Variants in AK9 observed in about 807,000 individuals in gnomAD.
AK9 encodes the protein adenylate kinase 9, also known as adenylate kinase domain containing 1.
AK9 carries 191 observed loss-of-function variants against 239.6 expected under a neutral mutation model. The observed-to-expected ratio is 0.80, with a 90% CI of 0.71 to 0.90. The LOEUF is 0.90. AK9 is among the 40% of genes least tolerant of loss of function. AK9 has a pLI of 0.00. For missense variants in AK9, 1,995 were observed against 2,214.7 expected (o/e 0.90, Z 1.99); for synonymous variants, 689 against 721.0 (o/e 0.96, Z 0.71).
intron 13 of AK9, among the ~76,000 whole-genome samples, chr6:109,615,853 A>G (rs561789955): frequency 6.6e-6 from 1 of 152,192 alleles, no homozygotes; most frequent in Non-Finnish European, 1.5e-5. Context: ...CAAATAGAGA[A>G]CATCTCCCCC....
In AK9 at chr6:109,535,784, A is replaced by G. The variant is rs541642278; in HGVS notation, c.3351-2314T>C. Among the ~76,000 whole-genome samples, 10 of 152,302 alleles carry G rather than the reference A, an allele frequency of 6.6e-5. No individual in the cohort carries two copies. In the East Asian group the frequency reaches 1.7e-3, roughly 26 times the overall value. On this transcript the variant is annotated intron_variant, in intron 27 of 40. Transcript: ENST00000424296. ...ATCCATCTTGAATTAATTTTTGTAT[A>G]AGATGTAAAGAAGGGATCCAGTTTC...
chr6:109,521,459 CAAG>C (rs59846242), intron 29 of AK9, among the ~76,000 whole-genome samples: 88,087 of 151,504 alleles, frequency 0.58, 27,266 homozygotes, highest in East Asian at 0.84. Context: ...GATTCCCCAT[CAAG>C]AAGATGTCCT....
intron 21 of AK9, among the ~76,000 whole-genome samples, chr6:109,569,431 G>A (rs1462301631): frequency 6.6e-6 from 1 of 152,138 alleles, no homozygotes. Flanking sequence ...TTGACAAATG[G>A]ATCTAATTAA....
chr6:109,630,452 G>C (rs1001352919), intron 12 of AK9, among the ~76,000 whole-genome samples: 3 of 152,124 alleles, frequency 2.0e-5, no homozygotes, highest in Non-Finnish European at 2.9e-5. Context: ...AGAACAATAA[G>C]ATAGAAGACC....
chr6:109,663,868 C>T (rs968442280), intron 5 of AK9, among the ~76,000 whole-genome samples: 12 of 152,160 alleles, frequency 7.9e-5, no homozygotes, highest in African/African-American at 2.9e-4. Context: ...TCAAGAATAT[C>T]CACAATTATT....
chr6:109,586,051 T>C lies in AK9; in HGVS notation c.1864A>G (p.Arg622Gly), dbSNP rs1158134828. The C allele has an allele frequency of 1.3e-6, 2 of 1,550,898 alleles. No individual in the cohort carries two copies. Among genetic ancestry groups the C allele is most frequent in the Non-Finnish European group, 1.7e-6 (2 of 1,146,752 alleles). The stretch of plus-strand genomic sequence containing the variant: ...CCATATTTTGGGGCACCAGGAAACC[T>C]ATCCTTGTTTTCTTCCATTACCTGT... ...LGEVMEENKD[R>G]FPGAPKYGGW... is the part of the protein sequence containing the mutation. Residue 622 changes from arginine (R) to glycine (G), a missense_variant, in exon 18 of 41, where the codon AGG (arginine) becomes GGG (glycine). Physicochemically the swap from Arg to Gly is moderately radical, Grantham distance 125 (BLOSUM62 -2). This residue lies in a region of AK9 where 1,290 missense variants were observed against 1,392.7 expected (regional missense o/e 0.93). Coordinates refer to ENST00000424296, the MANE Select transcript of AK9 (RefSeq NM_001145128.3).
chr6:109,644,434 G>C (rs1366757581), intron 9 of AK9, 180 bp downstream of exon 9: 1 of 465,430 alleles, frequency 2.1e-6, no homozygotes, highest in Non-Finnish European at 3.5e-6. Context: ...ATGTAGTTTT[G>C]ATTTTAAAAT....
At chr6:109,576,420 CTTT>C (rs3060763) in intron 20 of AK9, among the ~76,000 whole-genome samples, 3 of 103,478 alleles carry the variant, frequency 2.9e-5, no homozygotes, top group Admixed American at 1.1e-4. Flanking sequence ...CATATATATA[CTTT>C]TTTTTTTTTT....
chr6:109,663,705 A>G (rs549429877), intron 5 of AK9, among the ~76,000 whole-genome samples: 1 of 152,352 alleles, frequency 6.6e-6, no homozygotes, highest in East Asian at 1.9e-4. Context: ...GGTGCCACAA[A>G]AATTAGGCAT....
chr6:109,520,349 C>T (rs1779707891), intron 29 of AK9, among the ~76,000 whole-genome samples: 1 of 152,130 alleles, frequency 6.6e-6, no homozygotes, highest in African/African-American at 2.4e-5. Context: ...GCCAGCTAAC[C>T]TGGCACCATT....
Position 109,533,344 on chromosome 6 carries a change from G to T in AK9, c.3477C>A (p.Arg1159=). 3 of 1,611,516 alleles carry T rather than the reference G, an allele frequency of 1.9e-6. No homozygotes were observed. The highest frequency in any genetic ancestry group is 2.2e-5 in the South Asian group (2 of 90,352). ...ACTTTTCAATTTGGGCAGGAAGGAGGCGATCAAAAATATCTTGATCATCAA... is the reference window on the plus strand; with the variant it reads ...ACTTTTCAATTTGGGCAGGAAGGAGTCGATCAAAAATATCTTGATCATCAA... The part of the protein sequence containing the change: ...IQVDDQDIFD[R]LLPAQIEKWK... The change falls in exon 28 of 41, where the codon CGC becomes CGA. Residue 1159 remains arginine (R), a synonymous_variant. Transcript: ENST00000424296.
At chr6:109,565,508 AAAAAAGACCACAAACT>A in intron 21 of AK9, among the ~76,000 whole-genome samples, 1 of 152,038 alleles carries the variant, frequency 6.6e-6, no homozygotes. Context: ...AAGATACACC[AAAAAAGACCACAAACT>A]GGCAGTGAGA....
rs759001364 is a variant in AK9, at chr6:109,656,809, T to C, written c.706A>G (p.Asn236Asp). 1.6e-5 allele frequency: 26 copies of C among 1,610,520 alleles called. No homozygotes were observed. Among genetic ancestry groups the C allele is most frequent in the African/African-American group, 2.7e-5 (2 of 74,800 alleles). Reference protein sequence around the residue: ...LVQRPEDYLENVENIVKLYKE... With the variant: ...LVQRPEDYLEDVENIVKLYKE... ...TAAAGCTTAACAATGTTTTCAACAT[T>C]TTCCAAATAATCTTCAGGCCTCTGA... Residue 236 changes from asparagine to aspartate, a missense_variant, in exon 8 of 41, where the codon AAT becomes GAT. Asn to Asp is a conservative substitution (Grantham distance 23). Transcript: ENST00000424296.
chr6:109,631,040 G>A (rs1265002335), intron 12 of AK9, among the ~76,000 whole-genome samples: 4 of 151,998 alleles, frequency 2.6e-5, no homozygotes, highest in Non-Finnish European at 5.9e-5. Context: ...AGAAAGTCAA[G>A]TCTAGGTGGA....
chr6:109,542,174 A>G lies in AK9; in HGVS notation c.3226-3T>C, dbSNP rs1343954178. On this transcript the variant is annotated splice_region_variant and splice_polypyrimidine_tract_variant and intron_variant, in intron 26 of 40. Transcript: ENST00000424296. ...TCTGTAAGTTGTACTTCTGGAAGCT[A>G]AAAACAAAAATCAGAAAACAAAACA... 3 of 1,581,326 alleles carry G rather than the reference A, an allele frequency of 1.9e-6. No individual in the cohort carries two copies. The highest frequency in any genetic ancestry group is 1.7e-6 in the Non-Finnish European group (2 of 1,168,054).
chr6:109,674,153 G>T, intron 3 of AK9, 45 bp downstream of exon 3: 2 of 1,440,384 alleles, frequency 1.4e-6, no homozygotes, highest in South Asian at 2.6e-5. Flanking sequence ...ATGAATATTT[G>T]AAAGTTTTCA....
chr6:109,610,323 T>C (rs565272130), intron 17 of AK9, 42 bp downstream of exon 17: 11 of 1,531,490 alleles, frequency 7.2e-6, no homozygotes, highest in Middle Eastern at 1.8e-4. Flanking sequence ...TTCTCAGTAA[T>C]AGTTAAGTCA....
At chr6:109,690,048 G>C (rs1039518981) in intron 1 of AK9, among the ~76,000 whole-genome samples, 3 of 152,130 alleles carry the variant, frequency 2.0e-5, no homozygotes, top group Non-Finnish European at 4.4e-5. Context: ...TACAATTTTT[G>C]TAATTTCTCA....
chr6:109,637,624 T>G (rs1391940633), intron 10 of AK9, among the ~76,000 whole-genome samples: 1 of 152,234 alleles, frequency 6.6e-6, no homozygotes, highest in African/African-American at 2.4e-5. Context: ...CTAGAAATTC[T>G]GTTTTAACTG....
Sources: allele counts gnomAD v4.1 joint callset (sites outside exome capture counted in the v4.1 genomes callset), GRCh38; gene constraint gnomAD v4.1.1; regional missense constraint gnomAD v4.1.1; transcripts MANE v1.5; gene names NCBI Gene and HGNC (gene_info 2026-07-23, HGNC 2026-07-21).